ZFP42: variants seen among roughly 807,000 people sequenced by gnomAD.
ZFP42 encodes ZFP42 zinc finger protein, also known as zinc finger protein 42 homolog.
For missense variants in ZFP42, 438 were observed against 377.1 expected (o/e 1.16, Z -1.34); for synonymous variants, 175 against 144.6 (o/e 1.21, Z -1.51).
At chr4:188,000,587 T>G (rs1407697561) in intron 3 of ZFP42, among the ~76,000 whole-genome samples, 1 of 151,302 alleles carries the variant, frequency 6.6e-6, no homozygotes, top group African/African-American at 2.4e-5. Context: ...TTGGCCAGGC[T>G]GGTCTTAAAC....
chr4:188,001,727 C>A (rs1447278667), intron 3 of ZFP42, among the ~76,000 whole-genome samples: 1 of 152,190 alleles, frequency 6.6e-6, no homozygotes, highest in Non-Finnish European at 1.5e-5. Flanking sequence ...TAGAAAGAAC[C>A]TGGCGTGTAG....
intron 1 of ZFP42, among the ~76,000 whole-genome samples, chr4:187,996,396 C>A (rs569536921): frequency 1.3e-5 from 2 of 152,042 alleles, no homozygotes; most frequent in East Asian, 3.9e-4. Flanking sequence ...CTGCAACCTC[C>A]GTCTCCCGGG....
Position 187,997,228 on chromosome 4 carries a change from C to CTTTTTTTTTTTTTTTTTTTTTTTTT in ZFP42, c.-339+1410_-339+1411insTTTTTTTTTTTTTTTTTTTTTTTTT, listed in dbSNP as rs71595201. ...CCTCGGTTACTTCCCCTCTCATATT[C>CTTTTTTTTTTTTTTTTTTTTTTTTT]TTTTTTTTTTTTTTTTTTTTTTGAG... On this transcript the variant is annotated intron_variant, in intron 1 of 3. Coordinates refer to ENST00000326866, the MANE Select transcript of ZFP42 (RefSeq NM_174900.5). Among the ~76,000 whole-genome samples, 21 of 60,022 alleles carry CTTTTTTTTTTTTTTTTTTTTTTTTT rather than the reference C, an allele frequency of 3.5e-4. 8 individuals are homozygous for CTTTTTTTTTTTTTTTTTTTTTTTTT. Among genetic ancestry groups the CTTTTTTTTTTTTTTTTTTTTTTTTT allele is most frequent in the East Asian group, 1.3e-3 (2 of 1,484 alleles). 39.4% of individuals were successfully genotyped at this position (60,022 alleles called of 152,430 possible). A position where few individuals can be genotyped will look rare whatever the true frequency, so the allele number is the denominator to read the frequency against.
At chr4:187,996,973 C>A (rs1408755794) in intron 1 of ZFP42, among the ~76,000 whole-genome samples, 3 of 149,950 alleles carry the variant, frequency 2.0e-5, no homozygotes, top group Non-Finnish European at 1.5e-5. Context: ...ACCTTCCTGC[C>A]CGCCATAGCT....
In ZFP42 at chr4:188,003,903, A is replaced by G. The variant is rs1221896283; in HGVS notation, c.*163A>G. On this transcript the variant is annotated 3_prime_UTR_variant, in exon 4 of 4. Transcript: ENST00000326866. ...CTCCTACACTTTGTGATACCGTTTTAAGGACATGGTGCATTTTTTTTTCTT... is the reference window on the plus strand; with the variant it reads ...CTCCTACACTTTGTGATACCGTTTTGAGGACATGGTGCATTTTTTTTTCTT... The G allele has an allele frequency of 1.2e-5, 8 of 643,202 alleles. No homozygotes were observed. The highest frequency in any genetic ancestry group is 1.8e-5 in the African/African-American group (1 of 54,720). The allele number at this position is 643,202 out of a possible 1,614,324, so 39.8% of individuals were successfully genotyped here.
chr4:187,996,399 C>T (rs768890059), intron 1 of ZFP42, among the ~76,000 whole-genome samples: 1 of 152,110 alleles, frequency 6.6e-6, no homozygotes, highest in Non-Finnish European at 1.5e-5. Flanking sequence ...CAACCTCCGT[C>T]TCCCGGGTTC....
intron 1 of ZFP42, among the ~76,000 whole-genome samples, chr4:187,997,223 A>G (rs1358285985): frequency 2.0e-5 from 1 of 51,028 alleles, no homozygotes; most frequent in Non-Finnish European, 3.4e-5. Flanking sequence ...TTCCCCTCTC[A>G]TATTCTTTTT....
intron 1 of ZFP42, among the ~76,000 whole-genome samples, chr4:187,998,005 CAA>C (rs1246948977): frequency 6.6e-6 from 1 of 152,126 alleles, no homozygotes; most frequent in Non-Finnish European, 1.5e-5. Flanking sequence ...AGTGTTATTA[CAA>C]AAGAGTCAGG....
chr4:187,996,323 T>C (rs1733561926), intron 1 of ZFP42, among the ~76,000 whole-genome samples: 1 of 150,822 alleles, frequency 6.6e-6, no homozygotes, highest in Admixed American at 6.6e-5. Flanking sequence ...TCTTTTTTCT[T>C]TTTTTTTGGA....
chr4:188,002,700 TATC>T lies in ZFP42; in HGVS notation c.-95-10_-95-8del, dbSNP rs1306337524. On this transcript the variant is annotated splice_polypyrimidine_tract_variant and intron_variant, in intron 3 of 3. Transcript: ENST00000326866. ...GGAATCTATTTTAACTAAAGGTTAT[TATC>T]ATAAAGCAGGTGTTTGCTGAAGACA... The T allele has an allele frequency of 1.9e-5, 17 of 883,562 alleles. No homozygotes were observed. The African/African-American group carries it at 2.7e-4, about 14-fold the overall frequency. The allele number at this position is 883,562 out of a possible 1,614,324, so 54.7% of individuals were successfully genotyped here.
intron 1 of ZFP42, among the ~76,000 whole-genome samples, chr4:187,998,714 T>C (rs898464211): frequency 2.0e-5 from 3 of 152,196 alleles, no homozygotes; most frequent in Non-Finnish European, 4.4e-5. Flanking sequence ...CTAGGAGCCA[T>C]GGGCCCTACT....
chr4:188,001,620 C>A (rs77258794), intron 3 of ZFP42, among the ~76,000 whole-genome samples: 4,426 of 152,254 alleles, frequency 0.029, 225 homozygotes, highest in African/African-American at 0.1. Context: ...GCTTCTGTGC[C>A]GTGCTACAAC....
Position 188,004,011 on chromosome 4 carries a change from CAG to C in ZFP42, c.*272_*273del, listed in dbSNP as rs1733961043. 1 of 320,564 alleles carries C rather than the reference CAG, an allele frequency of 3.1e-6. No homozygotes were observed. The highest frequency in any genetic ancestry group is 4.9e-5 in the Admixed American group (1 of 20,254). 19.9% of individuals were successfully genotyped at this position (320,564 alleles called of 1,614,324 possible). ...TAAAGTGTGCTTCCAACAGGAAGGT[CAG>C]TGATAAATTTTCAAAAGCATAACCT... On this transcript the variant is annotated 3_prime_UTR_variant, in exon 4 of 4. Coordinates refer to ENST00000326866, the MANE Select transcript of ZFP42 (RefSeq NM_174900.5).
rs7665254 is a variant in ZFP42 at position 188,004,661 on chromosome 4, G to A, written c.*921G>A. ...AACTTAGCTAGGCCTGGTTGCATAC[G>A]CCTGTGTTCCCAGCTACTCAGGAGG... On this transcript the variant is annotated 3_prime_UTR_variant, in exon 4 of 4. Transcript: ENST00000326866. 80,446 of 166,574 alleles carry A rather than the reference G, an allele frequency of 0.48. 20,467 individuals are homozygous for A. The highest frequency in any genetic ancestry group is 0.8 in the East Asian group (4,089 of 5,136). The allele number at this position is 166,574 out of a possible 1,614,324, so 10.3% of individuals were successfully genotyped here.
intron 2 of ZFP42, 96 bp from the exon 3 acceptor site, chr4:187,999,503 TGTCTAAACTC>T (rs1283122324): frequency 6.6e-6 from 1 of 152,172 alleles, no homozygotes; most frequent in Non-Finnish European, 1.5e-5. Flanking sequence ...TACATTAAAT[TGTCTAAACTC>T]TCAAATAAAT....
chr4:188,002,687 A>T, intron 3 of ZFP42, 26 bp from the exon 4 acceptor site: 2 of 807,154 alleles, frequency 2.5e-6, no homozygotes, highest in Non-Finnish European at 4.0e-6. Flanking sequence ...AATCTATTTT[A>T]ACTAAAGGTT....
At chr4:187,996,258 G>A (rs1733556377) in intron 1 of ZFP42, among the ~76,000 whole-genome samples, 2 of 152,116 alleles carry the variant, frequency 1.3e-5, no homozygotes, top group Admixed American at 1.3e-4. Context: ...CTCTGGAGAT[G>A]GCAATACCCC....
chr4:188,001,341 C>G (rs1446414430), intron 3 of ZFP42, among the ~76,000 whole-genome samples: 4 of 152,038 alleles, frequency 2.6e-5, no homozygotes, highest in Non-Finnish European at 5.9e-5. Flanking sequence ...CTTTTATAGT[C>G]AAAGCAATAA....
rs879721316 is a variant in ZFP42, at chr4:188,003,955, T to A, written c.*215T>A. ...TATTTGTTTTATTTAGAACTTTTTT[T>A]ATTTGTTTTATTTAGAACTTTGTGT... On this transcript the variant is annotated 3_prime_UTR_variant, in exon 4 of 4. Transcript: ENST00000326866. The A allele has an allele frequency of 8.2e-6, 4 of 487,222 alleles. No homozygotes were observed. The highest frequency in any genetic ancestry group is 3.8e-5 in the South Asian group (1 of 26,652). The allele number at this position is 487,222 out of a possible 1,614,324, so 30.2% of individuals were successfully genotyped here. A position where few individuals can be genotyped will look rare whatever the true frequency, so the allele number is the denominator to read the frequency against.
Sources: allele counts gnomAD v4.1 joint callset (sites outside exome capture counted in the v4.1 genomes callset), GRCh38; gene constraint gnomAD v4.1.1; transcripts MANE v1.5; gene names NCBI Gene and HGNC (gene_info 2026-07-23, HGNC 2026-07-21).